The following ADAMTSL1 variants were observed in gnomAD, a reference collection of about 807,000 sequenced individuals.
ADAMTSL1 encodes the protein ADAMTS-like protein 1.
Under a neutral mutation model 201.8 loss-of-function variants are expected in ADAMTSL1, and 126 were observed. That is an observed-to-expected ratio of 0.62 (90% CI 0.54 to 0.72). ADAMTSL1 has a LOEUF of 0.72. Among genes scored for constraint, ADAMTSL1 ranks in the 30% least tolerant of loss-of-function variants. ADAMTSL1 has a pLI of 0.00. For synonymous variants in ADAMTSL1, 1,121 were observed against 903.4 expected (o/e 1.24, Z -4.32); for missense variants, 2,679 against 2,277.8 (o/e 1.18, Z -3.59).
chr9:18,654,121 C>T (rs1266680497), intron 7 of ADAMTSL1, among the ~76,000 whole-genome samples: 3 of 152,208 alleles, frequency 2.0e-5, no homozygotes, highest in Non-Finnish European at 4.4e-5. Flanking sequence ...ACCAGCTACT[C>T]AGGAGGTTGA....
chr9:18,694,317 C>G (rs2133261522), intron 13 of ADAMTSL1, among the ~76,000 whole-genome samples: 1 of 152,260 alleles, frequency 6.6e-6, no homozygotes, highest in South Asian at 2.1e-4. Flanking sequence ...ACAATCATCC[C>G]TTCTCAACAA....
intron 5 of ADAMTSL1, among the ~76,000 whole-genome samples, chr9:18,634,665 C>G (rs1167705727): frequency 6.6e-6 from 1 of 151,300 alleles, no homozygotes; most frequent in Non-Finnish European, 1.5e-5. Context: ...TAGTGAAACC[C>G]CATCTCAACT....
At chr9:18,263,777 C>T (rs1335301535) in intron 2 of ADAMTSL1, among the ~76,000 whole-genome samples, 2 of 152,146 alleles carry the variant, frequency 1.3e-5, no homozygotes, top group Non-Finnish European at 2.9e-5. Flanking sequence ...AAGCTGGTTG[C>T]TCTATGGACA....
At chr9:18,418,232 A>C (rs1331166113) in intron 2 of ADAMTSL1, among the ~76,000 whole-genome samples, 2 of 152,164 alleles carry the variant, frequency 1.3e-5, no homozygotes, top group Non-Finnish European at 2.9e-5. Context: ...ACCCAACCAA[A>C]CAAACAAAAA....
chr9:18,775,843 C>G lies in ADAMTSL1; in HGVS notation c.2498C>G (p.Pro833Arg), dbSNP rs750448171. ...ACGGTTGTCAATTCCACCCTGTGCC[C>G]GCCCCTGCCTTTCTCTTCCTCCATC... ...LSTVVNSTLC[P>R]PLPFSSSIRP... The change falls in exon 18 of 29, where the codon CCG becomes CGG. Residue 833 changes from proline to arginine, a missense_variant. Transcript: ENST00000380548. 6.2e-7 allele frequency: 1 copy of G among 1,605,790 alleles called. No homozygotes were observed. The highest frequency in any genetic ancestry group is 2.2e-5 in the East Asian group (1 of 44,614).
At chr9:18,638,649 A>G (rs1228748073) in intron 6 of ADAMTSL1, among the ~76,000 whole-genome samples, 1 of 152,176 alleles carries the variant, frequency 6.6e-6, no homozygotes, top group Non-Finnish European at 1.5e-5. Context: ...AATACCTTAT[A>G]TATGCATAAA....
chr9:18,160,987 C>T (rs945880580), intron 1 of ADAMTSL1, among the ~76,000 whole-genome samples: 2 of 151,410 alleles, frequency 1.3e-5, no homozygotes, highest in African/African-American at 4.9e-5. Context: ...CATGCCTGGC[C>T]AGGATTAAAT....
At chr9:18,136,704 A>C (rs891687208) in intron 1 of ADAMTSL1, among the ~76,000 whole-genome samples, 4 of 152,074 alleles carry the variant, frequency 2.6e-5, no homozygotes, top group Non-Finnish European at 4.4e-5. Context: ...TGAGATCAAA[A>C]GCTGTGAAGT....
intron 2 of ADAMTSL1, among the ~76,000 whole-genome samples, chr9:18,169,927 C>T (rs1000985513): frequency 6.6e-6 from 1 of 151,918 alleles, no homozygotes; most frequent in Non-Finnish European, 1.5e-5. Context: ...TTGGAATGCT[C>T]ACAACTATAA....
chr9:18,365,388 A>G (rs1228666529), intron 2 of ADAMTSL1, among the ~76,000 whole-genome samples: 3 of 152,224 alleles, frequency 2.0e-5, no homozygotes, highest in Admixed American at 2.0e-4. Flanking sequence ...TAGAAAAACT[A>G]TATGTAAAAA....
intron 23 of ADAMTSL1, among the ~76,000 whole-genome samples, chr9:18,866,003 G>C (rs1355114210): frequency 2.6e-5 from 4 of 151,474 alleles, no homozygotes; most frequent in Non-Finnish European, 5.9e-5. Context: ...AGGAAAGGGA[G>C]GGTTGGGAAT....
chr9:18,055,082 T>A (rs556969248), intron 1 of ADAMTSL1, among the ~76,000 whole-genome samples: 1 of 152,328 alleles, frequency 6.6e-6, no homozygotes, highest in South Asian at 2.1e-4. Context: ...ATTCCCTGAA[T>A]GGACTGGGGC....
chr9:18,173,620 A>G (rs1184586138), intron 2 of ADAMTSL1, among the ~76,000 whole-genome samples: 2 of 152,164 alleles, frequency 1.3e-5, no homozygotes, highest in Admixed American at 6.5e-5. Context: ...CAACAAATAG[A>G]TACCAAGATT....
chr9:18,133,538 C>T (rs560986185), intron 1 of ADAMTSL1, among the ~76,000 whole-genome samples: 24 of 152,248 alleles, frequency 1.6e-4, no homozygotes, highest in East Asian at 3.9e-4. Context: ...ATTTAGAACA[C>T]GTTAAATCAG....
intron 21 of ADAMTSL1, among the ~76,000 whole-genome samples, chr9:18,820,121 A>C (rs1203992217): frequency 6.6e-6 from 1 of 152,196 alleles, no homozygotes; most frequent in Admixed American, 6.5e-5. Context: ...AGATTCTCGT[A>C]ATAGACAGGG....
intron 2 of ADAMTSL1, among the ~76,000 whole-genome samples, chr9:18,327,647 G>T (rs1185460226): frequency 2.0e-5 from 3 of 152,140 alleles, no homozygotes; most frequent in Non-Finnish European, 4.4e-5. Flanking sequence ...CCCAGTTCTT[G>T]TTCCAATAGT....
At chr9:18,540,028 G>C (rs923079648) in intron 3 of ADAMTSL1, among the ~76,000 whole-genome samples, 4 of 152,224 alleles carry the variant, frequency 2.6e-5, no homozygotes, top group Middle Eastern at 3.4e-3. Context: ...AAAAATGCAT[G>C]ACATTCTAAA....
At chr9:18,530,337 G>C (rs1805903502) in intron 2 of ADAMTSL1, among the ~76,000 whole-genome samples, 1 of 151,944 alleles carries the variant, frequency 6.6e-6, no homozygotes, top group East Asian at 1.9e-4. Context: ...TATAAGGTTA[G>C]GTAAAAAATT....
At chr9:18,363,674 A>G (rs1025948653) in intron 2 of ADAMTSL1, among the ~76,000 whole-genome samples, 9 of 152,212 alleles carry the variant, frequency 5.9e-5, no homozygotes, top group Non-Finnish European at 1.0e-4. Flanking sequence ...TCCATGATAT[A>G]TAAAGGCAAT....
Sources: allele counts gnomAD v4.1 joint callset (sites outside exome capture counted in the v4.1 genomes callset), GRCh38; gene constraint gnomAD v4.1.1; transcripts MANE v1.5; gene names NCBI Gene and HGNC (gene_info 2026-07-23, HGNC 2026-07-21).